CCDC178: variants seen among roughly 807,000 people sequenced by gnomAD.
CCDC178 encodes coiled-coil domain-containing protein 178.
Under a neutral mutation model 117.4 loss-of-function variants are expected in CCDC178, and 126 were observed. The observed-to-expected ratio is 1.07, with a 90% confidence interval of 0.93 to 1.24. The LOEUF is 1.24. CCDC178 is among the 50% of genes most tolerant of loss of function. The pLI is 0.00. For synonymous variants in CCDC178, 283 were observed against 313.4 expected, an observed-to-expected ratio of 0.90 and a Z score of 1.02; for missense variants, 1,030 against 986.9, an observed-to-expected ratio of 1.04 and a Z score of -0.59.
intron 6 of CCDC178, among the ~76,000 whole-genome samples, chr18:33,357,913 T>C (rs982041128): frequency 4.0e-5 from 6 of 151,820 alleles, no homozygotes; most frequent in African/African-American, 1.5e-4. Context: ...ATGACAGTGA[T>C]ACATTCTCAG....
At chr18:33,192,589 T>TA (rs1423231306) in intron 20 of CCDC178, among the ~76,000 whole-genome samples, 1 of 152,124 alleles carries the variant, frequency 6.6e-6, no homozygotes, top group Non-Finnish European at 1.5e-5. Context: ...AAAATTGTAA[T>TA]AAACAGTGAA....
At chr18:33,227,201 C>A (rs1017585069) in intron 15 of CCDC178, among the ~76,000 whole-genome samples, 2 of 151,180 alleles carry the variant, frequency 1.3e-5, no homozygotes, top group East Asian at 3.9e-4. Flanking sequence ...GGAATAAACA[C>A]AATCAACTTT....
At chr18:33,227,745 A>T (rs2059324696) in intron 15 of CCDC178, among the ~76,000 whole-genome samples, 1 of 151,886 alleles carries the variant, frequency 6.6e-6, no homozygotes, top group Non-Finnish European at 1.5e-5. Context: ...TTCTCTACTC[A>T]ATATAGCAAA....
chr18:33,078,369 C>A (rs1025005141), intron 21 of CCDC178, among the ~76,000 whole-genome samples: 8 of 152,134 alleles, frequency 5.3e-5, no homozygotes, highest in African/African-American at 7.2e-5. Flanking sequence ...TGAAAACCAG[C>A]ACAAGACAAG....
At chr18:33,148,293 G>T (rs756117846) in intron 20 of CCDC178, among the ~76,000 whole-genome samples, 1 of 152,144 alleles carries the variant, frequency 6.6e-6, no homozygotes, top group African/African-American at 2.4e-5. Flanking sequence ...GCGTGGCGGC[G>T]CGTGCCTGCA....
chr18:33,236,915 G>C (rs566698336), intron 15 of CCDC178, among the ~76,000 whole-genome samples: 1 of 152,272 alleles, frequency 6.6e-6, no homozygotes, highest in African/African-American at 2.4e-5. Flanking sequence ...CACTGCCACT[G>C]TAAATACCTA....
At chr18:33,118,073 C>G (rs2144197063) in intron 20 of CCDC178, among the ~76,000 whole-genome samples, 1 of 152,172 alleles carries the variant, frequency 6.6e-6, no homozygotes, top group Non-Finnish European at 1.5e-5. Context: ...GCATTTTTTT[C>G]TGACTAGTGA....
chr18:33,060,392 T>C (rs2056903391), intron 21 of CCDC178, among the ~76,000 whole-genome samples: 1 of 152,100 alleles, frequency 6.6e-6, no homozygotes, highest in Non-Finnish European at 1.5e-5. Context: ...TGCCACATAC[T>C]CTCCTCTAAG....
At chr18:33,108,926 T>C (rs2057743212) in intron 20 of CCDC178, among the ~76,000 whole-genome samples, 1 of 151,692 alleles carries the variant, frequency 6.6e-6, no homozygotes, top group South Asian at 2.1e-4. Flanking sequence ...ATAAGCAAGA[T>C]ATCCCCTCCA....
At position 33,050,415 on chromosome 18, in the gene CCDC178, T is replaced by C. The variant is rs555379030; in HGVS notation, c.2388+42346A>G. Among the ~76,000 whole-genome samples, 92 of 152,292 alleles carry C rather than the reference T, an allele frequency of 6.0e-4. 1 individual carries two copies. The highest frequency in any genetic ancestry group is 2.1e-3 in the African/African-American group (86 of 41,568). ...AGTAATGGCAGACATTTTTTAAAAA[T>C]ATCACTGATAGCGAAATTATTAATT... On this transcript the variant is annotated intron_variant, in intron 21 of 22. Coordinates refer to ENST00000383096, the MANE Select transcript of CCDC178 (RefSeq NM_001105528.4).
intron 20 of CCDC178, among the ~76,000 whole-genome samples, chr18:33,096,103 A>G (rs2145085585): frequency 6.6e-6 from 1 of 150,416 alleles, no homozygotes. Flanking sequence ...CACAAATAGT[A>G]GTTCTACTCC....
chr18:33,119,900 C>T (rs2057913350), intron 20 of CCDC178, among the ~76,000 whole-genome samples: 1 of 152,034 alleles, frequency 6.6e-6, no homozygotes, highest in Non-Finnish European at 1.5e-5. Context: ...GTGGATGAAG[C>T]TGGAAACCAT....
chr18:33,364,532 C>G (rs1242972738), intron 6 of CCDC178, among the ~76,000 whole-genome samples: 3 of 151,540 alleles, frequency 2.0e-5, no homozygotes, highest in African/African-American at 7.3e-5. Flanking sequence ...TGTACAGGAG[C>G]TAAGAAAAAA....
chr18:33,369,990 C>G (rs567532827), intron 6 of CCDC178, 60 bp downstream of exon 6: 1 of 1,367,242 alleles, frequency 7.3e-7, no homozygotes, highest in Admixed American at 2.8e-5. Flanking sequence ...TTTAAATAAC[C>G]AATCCTTAGA....
chr18:33,307,152 A>C (rs113883212), intron 11 of CCDC178, among the ~76,000 whole-genome samples: 3 of 152,310 alleles, frequency 2.0e-5, no homozygotes, highest in African/African-American at 7.2e-5. Flanking sequence ...GAAGATGTGG[A>C]AATGACTTTG....
At position 33,211,945 on chromosome 18, in the gene CCDC178, C is replaced by T. The variant is rs764006433; in HGVS notation, c.2189G>A (p.Arg730Lys). ...CEERIFEEDQ[R>K]FRVLLAVRQK... ...TCTTACAGCAAGGAGCACTCTAAAT[C>T]TCTGATCTTCCTCAAAGATTCTCTC... The change falls in exon 20 of 23, where the codon AGA becomes AAA. Residue 730 changes from arginine to lysine, a missense_variant. By Grantham distance (26) the Arg-to-Lys change is conservative. Transcript: ENST00000383096. 9 of 1,610,026 alleles carry T rather than the reference C, an allele frequency of 5.6e-6. No individual in the cohort carries two copies. The highest frequency in any genetic ancestry group is 1.3e-5 in the African/African-American group (1 of 74,702).
intron 21 of CCDC178, among the ~76,000 whole-genome samples, chr18:33,017,088 A>G (rs896165860): frequency 6.6e-6 from 1 of 151,930 alleles, no homozygotes; most frequent in African/African-American, 2.4e-5. Flanking sequence ...ACATTTTACT[A>G]TCAGTTTTAC....
chr18:33,107,967 C>T (rs1220704538), intron 20 of CCDC178, among the ~76,000 whole-genome samples: 1 of 151,648 alleles, frequency 6.6e-6, no homozygotes, highest in African/African-American at 2.4e-5. Flanking sequence ...GAGATCTTGG[C>T]TCTTTGGGCA....
intron 20 of CCDC178, among the ~76,000 whole-genome samples, chr18:33,195,616 C>A (rs2144535397): frequency 6.6e-6 from 1 of 152,212 alleles, no homozygotes; most frequent in South Asian, 2.1e-4. Context: ...ATTTTTTCCT[C>A]AAGTCATCCT....
Sources: allele counts gnomAD v4.1 joint callset (sites outside exome capture counted in the v4.1 genomes callset), GRCh38; gene constraint gnomAD v4.1.1; transcripts MANE v1.5; gene names NCBI Gene and HGNC (gene_info 2026-07-23, HGNC 2026-07-21).